Variants in SPAG16 observed in about 807,000 individuals in gnomAD.
The protein encoded by SPAG16 is sperm associated antigen 16, also known as sperm-associated antigen 16 protein.
SPAG16 carries 86 observed loss-of-function variants against 80.4 expected under a neutral mutation model. The observed-to-expected ratio is 1.07, with a 90% CI of 0.90 to 1.28. The LOEUF (loss-of-function observed/expected upper bound fraction) is 1.28, where lower values mean the gene tolerates loss of function less well. SPAG16 is among the 50% of genes most tolerant of loss of function. SPAG16 has a pLI of 0.00. For synonymous variants in SPAG16, 294 were observed against 265.9 expected (o/e 1.11, Z -1.03); for missense variants, 870 against 765.3 (o/e 1.14, Z -1.61).
At chr2:213,640,833 G>A (rs1016146478) in intron 10 of SPAG16, among the ~76,000 whole-genome samples, 2 of 152,168 alleles carry the variant, frequency 1.3e-5, no homozygotes, top group Non-Finnish European at 2.9e-5. Context: ...GAGCAGGGTT[G>A]TTCTGTTATG....
intron 15 of SPAG16, among the ~76,000 whole-genome samples, chr2:214,169,166 T>G (rs2125628291): frequency 6.6e-6 from 1 of 152,164 alleles, no homozygotes; most frequent in African/African-American, 2.4e-5. Context: ...AATCCTTGAG[T>G]ATTCATAATT....
At chr2:213,682,763 G>A (rs1266042500) in intron 10 of SPAG16, among the ~76,000 whole-genome samples, 8 of 152,100 alleles carry the variant, frequency 5.3e-5, no homozygotes, top group African/African-American at 1.4e-4. Context: ...GTTTCTGGTC[G>A]GAGGTGTCAC....
chr2:213,520,733 G>A (rs1157994540), intron 10 of SPAG16, among the ~76,000 whole-genome samples: 1 of 152,152 alleles, frequency 6.6e-6, no homozygotes, highest in Non-Finnish European at 1.5e-5. Context: ...AAAATACAAA[G>A]CATTCCACAA....
At position 213,465,652 on chromosome 2, in the gene SPAG16, G is replaced by T. The variant is rs544524519; in HGVS notation, c.943-24311G>T. On this transcript the variant is annotated intron_variant, in intron 9 of 15. Coordinates refer to ENST00000331683, the MANE Select transcript of SPAG16 (RefSeq NM_024532.5). ...ACTCCCCTTAGAAGACAGCAGTCCT[G>T]CCAGGTTTTGTGGGGTATAAATGGC... Among the ~76,000 whole-genome samples, 48 of 152,308 alleles carry T rather than the reference G, an allele frequency of 3.2e-4. 1 individual carries two copies. Among genetic ancestry groups the T allele is most frequent in the South Asian group, 1.0e-3 (5 of 4,822 alleles).
intron 10 of SPAG16, among the ~76,000 whole-genome samples, chr2:213,523,621 T>G (rs2075772719): frequency 6.6e-6 from 1 of 152,194 alleles, no homozygotes; most frequent in Non-Finnish European, 1.5e-5. Context: ...AGTTTGGAAC[T>G]TCCTAGAGAC....
At chr2:214,094,344 G>A (rs1271155336) in intron 13 of SPAG16, among the ~76,000 whole-genome samples, 1 of 151,988 alleles carries the variant, frequency 6.6e-6, no homozygotes, top group Non-Finnish European at 1.5e-5. Flanking sequence ...AATTTGAGAA[G>A]CACTGCAGTA....
At chr2:213,675,469 G>C (rs1034191779) in intron 10 of SPAG16, among the ~76,000 whole-genome samples, 5 of 152,294 alleles carry the variant, frequency 3.3e-5, no homozygotes, top group Admixed American at 2.0e-4. Context: ...CCATGCCTAT[G>C]TCCTGAATGG....
chr2:213,812,481 TA>T (rs1345538465), intron 10 of SPAG16, among the ~76,000 whole-genome samples: 2 of 152,194 alleles, frequency 1.3e-5, no homozygotes, highest in East Asian at 3.9e-4. Context: ...AATATCTTTT[TA>T]AAAAGTGATT....
chr2:214,357,612 G>T (rs576279117), intron 15 of SPAG16, among the ~76,000 whole-genome samples: 3 of 151,712 alleles, frequency 2.0e-5, no homozygotes, highest in Non-Finnish European at 2.9e-5. Flanking sequence ...ATCATTTTCT[G>T]ATATTGTCCT....
chr2:213,670,628 A>AT (rs781773575), intron 10 of SPAG16, among the ~76,000 whole-genome samples: 1 of 151,956 alleles, frequency 6.6e-6, no homozygotes, highest in Non-Finnish European at 1.5e-5. Flanking sequence ...ATAAAAGATA[A>AT]TTTTTTCATG....
At chr2:214,171,837 A>T (rs1312169129) in intron 15 of SPAG16, among the ~76,000 whole-genome samples, 1 of 151,990 alleles carries the variant, frequency 6.6e-6, no homozygotes, top group Admixed American at 6.6e-5. Context: ...ATTTTAAGTG[A>T]AAAGTTATTA....
intron 10 of SPAG16, among the ~76,000 whole-genome samples, chr2:213,845,220 C>CA (rs1183274057): frequency 3.6e-5 from 5 of 138,906 alleles, no homozygotes; most frequent in Middle Eastern, 4.1e-3. Flanking sequence ...TTTTTTGAGA[C>CA]AGAGTCTCGC....
chr2:213,465,646 A>T (rs1401738382), intron 9 of SPAG16, among the ~76,000 whole-genome samples: 1 of 152,220 alleles, frequency 6.6e-6, no homozygotes, highest in Non-Finnish European at 1.5e-5. Flanking sequence ...AGAAGACAGC[A>T]GTCCTGCCAG....
intron 10 of SPAG16, among the ~76,000 whole-genome samples, chr2:213,739,101 A>G (rs2067425337): frequency 1.3e-5 from 2 of 152,174 alleles, no homozygotes; most frequent in Admixed American, 6.5e-5. Context: ...TATTTGGGCA[A>G]TTTGCTCATC....
chr2:214,336,376 C>G (rs1182531712), intron 15 of SPAG16, among the ~76,000 whole-genome samples: 2 of 152,072 alleles, frequency 1.3e-5, no homozygotes, highest in Non-Finnish European at 2.9e-5. Context: ...TCTGGACACT[C>G]TGGAGTTAAA....
intron 4 of SPAG16, among the ~76,000 whole-genome samples, chr2:213,315,383 G>A (rs939751757): frequency 2.6e-5 from 4 of 151,750 alleles, no homozygotes; most frequent in African/African-American, 4.8e-5. Context: ...CATCTTGTCT[G>A]CTTGATACCA....
At chr2:214,085,706 A>G (rs2051695806) in intron 13 of SPAG16, among the ~76,000 whole-genome samples, 1 of 152,204 alleles carries the variant, frequency 6.6e-6, no homozygotes, top group East Asian at 1.9e-4. Flanking sequence ...GAACAATTCC[A>G]ATCATGCCAT....
intron 12 of SPAG16, among the ~76,000 whole-genome samples, chr2:213,932,179 TATATATATATA>T (rs1357950153): frequency 7.7e-5 from 2 of 26,010 alleles, no homozygotes; most frequent in Admixed American, 5.2e-4. Flanking sequence ...TATATATATA[TATATATATATA>T]TATATATATT....
intron 11 of SPAG16, among the ~76,000 whole-genome samples, chr2:213,872,303 T>C (rs887080095): frequency 1.3e-5 from 2 of 151,674 alleles, no homozygotes; most frequent in African/African-American, 2.4e-5. Context: ...TTTGTACTTA[T>C]GGCCTCCAGA....
Sources: allele counts gnomAD v4.1 joint callset (sites outside exome capture counted in the v4.1 genomes callset), GRCh38; gene constraint gnomAD v4.1.1; transcripts MANE v1.5; gene names NCBI Gene and HGNC (gene_info 2026-07-23, HGNC 2026-07-21).